The following COL11A1 variants were observed in gnomAD, a reference collection of about 807,000 sequenced individuals.
COL11A1 encodes the protein collagen type XI alpha 1 chain, also known as collagen alpha-1(XI) chain.
Under a neutral mutation model 265.2 loss-of-function variants are expected in COL11A1, and 74 were observed. The observed-to-expected ratio is 0.28, with a 90% confidence interval of 0.23 to 0.34. The LOEUF (loss-of-function observed/expected upper bound fraction) is 0.34. Among genes scored for constraint, COL11A1 ranks in the 10% least tolerant of loss-of-function variants. The pLI is 1.00. For missense variants in COL11A1, 2,165 were observed against 2,263.6 expected (o/e 0.96, Z 0.88); for synonymous variants, 816 against 727.6 (o/e 1.12, Z -1.96).
intron 4 of COL11A1, among the ~76,000 whole-genome samples, chr1:103,037,276 G>A (rs1471981471): frequency 6.6e-6 from 1 of 150,452 alleles, no homozygotes; most frequent in African/African-American, 2.5e-5. Flanking sequence ...GTGTGTGTGT[G>A]TGTGTGTGTG....
At chr1:102,942,735 T>C (rs573924325) in intron 42 of COL11A1, among the ~76,000 whole-genome samples, 24 of 152,222 alleles carry the variant, frequency 1.6e-4, no homozygotes, top group African/African-American at 5.5e-4. Flanking sequence ...GTATTCATTC[T>C]CAGTTTATTA....
In COL11A1 at chr1:103,106,816, G is replaced by A. The variant is rs147548505; in HGVS notation, c.106+1257C>T. Among the ~76,000 whole-genome samples, 1,279 of 152,204 alleles carry A rather than the reference G, an allele frequency of 8.4e-3. 18 individuals carry two copies. The highest frequency in any genetic ancestry group is 0.029 in the African/African-American group (1,219 of 41,528). On this transcript the variant is annotated intron_variant, in intron 1 of 66. Transcript: ENST00000370096. ...AAGGAATAACCTGGTCTCAGAGATC[G>A]GCCTCCGGGAGGGCTGACTCTCATT...
At chr1:103,054,842 A>G (rs769554797) in intron 4 of COL11A1, among the ~76,000 whole-genome samples, 29 of 152,306 alleles carry the variant, frequency 1.9e-4, no homozygotes, top group Non-Finnish European at 2.5e-4. Context: ...CAGAGGTTGC[A>G]GTGAGCCAAG....
At chr1:102,938,913 T>G in intron 44 of COL11A1, 122 bp downstream of exon 44, 1 of 796,514 alleles carries the variant, frequency 1.3e-6, no homozygotes, top group Non-Finnish European at 2.2e-6. Context: ...GCAGAGGTAA[T>G]GTAGTATTGG....
At chr1:102,882,688 T>C (rs1650412672) in intron 64 of COL11A1, among the ~76,000 whole-genome samples, 1 of 152,204 alleles carries the variant, frequency 6.6e-6, no homozygotes, top group African/African-American at 2.4e-5. Context: ...TTTACATTAA[T>C]GATTTGCATT....
intron 3 of COL11A1, among the ~76,000 whole-genome samples, chr1:103,076,666 T>C (rs1022966868): frequency 3.9e-5 from 6 of 152,198 alleles, no homozygotes; most frequent in Non-Finnish European, 8.8e-5. Flanking sequence ...TGAAACCTCA[T>C]GTTTTACTTT....
intron 28 of COL11A1, among the ~76,000 whole-genome samples, chr1:102,990,969 G>A (rs1664070088): frequency 6.6e-6 from 1 of 152,048 alleles, no homozygotes; most frequent in Non-Finnish European, 1.5e-5. Context: ...GGAGGTAGAG[G>A]TTGCAGCGAA....
rs184081767 is a variant in COL11A1, at chr1:103,048,473, G to A, written c.652-17229C>T. Among the ~76,000 whole-genome samples, 1,466 of 149,798 alleles carry A rather than the reference G, an allele frequency of 9.8e-3. 28 individuals carry two copies. Among genetic ancestry groups the A allele is most frequent in the African/African-American group, 0.033 (1,355 of 40,484 alleles). Reference sequence around the variant, plus strand: ...TATCCCCTTTATCATTTTTTATTGCGTCTATTCTTCTCTCTTTTCTTCTTT... The same window carrying A: ...TATCCCCTTTATCATTTTTTATTGCATCTATTCTTCTCTCTTTTCTTCTTT... On this transcript the variant is annotated intron_variant, in intron 4 of 66. Transcript: ENST00000370096.
In COL11A1 at chr1:103,086,720, C is replaced by G. The variant is rs531917318; in HGVS notation, c.107-3748G>C. Among the ~76,000 whole-genome samples, 108 of 152,152 alleles carry G rather than the reference C, an allele frequency of 7.1e-4. 1 individual carries two copies. The highest frequency in any genetic ancestry group is 2.4e-3 in the African/African-American group (100 of 41,518). ...CGTGAGCCACCGCGCCCGGCAACAACGTATCTTTTAACACCATGACCTTAT... is the reference window on the plus strand; with the variant it reads ...CGTGAGCCACCGCGCCCGGCAACAAGGTATCTTTTAACACCATGACCTTAT... On this transcript the variant is annotated intron_variant, in intron 1 of 66. Transcript: ENST00000370096.
At chr1:102,984,619 T>C (rs1663360433) in intron 30 of COL11A1, among the ~76,000 whole-genome samples, 1 of 152,070 alleles carries the variant, frequency 6.6e-6, no homozygotes, top group Non-Finnish European at 1.5e-5. Context: ...GATACAGTTA[T>C]TTCATTTACC....
intron 37 of COL11A1, among the ~76,000 whole-genome samples, chr1:102,968,217 T>C (rs1203360118): frequency 6.6e-6 from 1 of 152,242 alleles, no homozygotes; most frequent in Admixed American, 6.5e-5. Flanking sequence ...TTTTTCAAAG[T>C]TGCTGAAAAT....
chr1:102,975,577 A>T (rs981212586), intron 35 of COL11A1, among the ~76,000 whole-genome samples: 4 of 152,076 alleles, frequency 2.6e-5, no homozygotes, highest in Non-Finnish European at 5.9e-5. Context: ...TCATCTCTCA[A>T]ATTTACCTAT....
chr1:102,891,637 G>C (rs1000317209), intron 57 of COL11A1, among the ~76,000 whole-genome samples: 7 of 151,172 alleles, frequency 4.6e-5, no homozygotes, highest in African/African-American at 1.5e-4. Context: ...CAATTTGAGA[G>C]CCTGAGGTGG....
chr1:103,007,550 G>C (rs1466198339), intron 15 of COL11A1, among the ~76,000 whole-genome samples: 3 of 151,924 alleles, frequency 2.0e-5, no homozygotes, highest in Non-Finnish European at 4.4e-5. Context: ...GTTCATTCTA[G>C]AAATATAAAA....
intron 4 of COL11A1, among the ~76,000 whole-genome samples, chr1:103,041,597 G>C (rs556551688): frequency 3.3e-4 from 50 of 151,926 alleles, no homozygotes; most frequent in Non-Finnish European, 5.6e-4. Flanking sequence ...GAGAATTGAA[G>C]TCTCTTTAAA....
At chr1:103,016,689 A>G (rs1192302366) in intron 11 of COL11A1, among the ~76,000 whole-genome samples, 1 of 151,986 alleles carries the variant, frequency 6.6e-6, no homozygotes, top group Non-Finnish European at 1.5e-5. Flanking sequence ...GTTAACTCCT[A>G]GGAAAGTGTT....
chr1:102,920,891 A>T (rs897449873), intron 48 of COL11A1, among the ~76,000 whole-genome samples: 7 of 152,202 alleles, frequency 4.6e-5, no homozygotes, highest in Non-Finnish European at 8.8e-5. Context: ...TGAAGACCAG[A>T]GACATGAAGG....
chr1:102,883,960 T>C (rs191111422), intron 63 of COL11A1, among the ~76,000 whole-genome samples: 1 of 152,308 alleles, frequency 6.6e-6, no homozygotes, highest in African/African-American at 2.4e-5. Flanking sequence ...TCACCATTCA[T>C]TTGGTGTTAT....
chr1:103,004,622 C>G lies in COL11A1; in HGVS notation c.1885G>C (p.Asp629His). The G allele has an allele frequency of 1.2e-6, 2 of 1,610,762 alleles. No individual in the cohort carries two copies. Among genetic ancestry groups the G allele is most frequent in the Non-Finnish European group, 1.7e-6 (2 of 1,178,626 alleles). Residue 629 changes from aspartate (D) to histidine (H), a missense_variant, in exon 19 of 67, where the codon GAT becomes CAT. Physicochemically the swap from Asp to His is moderately conservative, Grantham distance 81 (BLOSUM62 -1). Transcript: ENST00000370096. ...GPQGPPGPPGDDGMRGEDGEI... is the reference protein window; with the variant it reads ...GPQGPPGPPGHDGMRGEDGEI... ...TATTAACATACCCTCATTCCATCAT[C>G]ACCAGGAGGACCTGGAGGACCTTGA...
Sources: gnomAD v4.1 joint callset for allele counts (sites outside exome capture counted in the v4.1 genomes callset) on GRCh38, gnomAD v4.1.1 for gene constraint, MANE v1.5 for transcripts, NCBI Gene and HGNC (gene_info 2026-07-23, HGNC 2026-07-21) for gene names.